Variants in SLAMF9 observed in about 807,000 individuals in gnomAD.
SLAMF9 encodes the protein CD2 family member 10.
In SLAMF9, 25 loss-of-function variants were observed where a neutral mutation model predicts 30.4. That is an observed-to-expected ratio of 0.82 (90% CI 0.60 to 1.15). The LOEUF (loss-of-function observed/expected upper bound fraction) is 1.15. SLAMF9 is among the 50% of genes most tolerant of loss of function. The probability of loss-of-function intolerance (pLI) is 0.00; values close to 1 mark genes in which losing one functional copy is unlikely to be tolerated. For missense variants in SLAMF9, 344 were observed against 346.1 expected (o/e 0.99, Z 0.05); for synonymous variants, 129 against 127.2 (o/e 1.01, Z -0.09).
chr1:159,958,045 C>T (rs1247121728), upstream of SLAMF9, among the ~76,000 whole-genome samples: 2 of 152,242 alleles, frequency 1.3e-5, no homozygotes, highest in Non-Finnish European at 2.9e-5. Context: ...CTGGCACCGA[C>T]TGCCCGTTAG....
the SLAMF9 span, chr1:159,972,995 A>G: frequency 2.9e-6 from 4 of 1,392,030 alleles, no homozygotes; most frequent in Admixed American, 8.3e-5. Context: ...TCGCTCATTT[A>G]CCCTGCACTC....
At chr1:159,978,967 G>T in the SLAMF9 span, 1 of 152,192 alleles carries the variant, frequency 6.6e-6, no homozygotes, top group African/African-American at 2.4e-5. Context: ...TGAAAATAAA[G>T]ATTGTTTTTG....
chr1:159,951,725 T>C lies in SLAMF9; in HGVS notation c.806A>G (p.Lys269Arg), dbSNP rs374407260. ...TTTCATTCTGTTTCTCATGAGTTTCTTCATCCTTGGCATTTTGTGTCTTTT... is the reference window on the plus strand; with the variant it reads ...TTTCATTCTGTTTCTCATGAGTTTCCTCATCCTTGGCATTTTGTGTCTTTT... Reference protein sequence around the residue: ...VQKRHKMPRMKKLMRNRMKLR... With the variant: ...VQKRHKMPRMRKLMRNRMKLR... Residue 269 changes from lysine (K) to arginine (R), a missense_variant, in exon 4 of 4, where the codon AAG becomes AGG. Transcript: ENST00000368093. The C allele has an allele frequency of 6.2e-6, 10 of 1,614,092 alleles. No individual in the cohort carries two copies. The African/African-American group carries it at 1.2e-4, about 19-fold the overall frequency.
At chr1:159,953,679 A>T (rs748286416) in intron 1 of SLAMF9, 26 bp from the exon 2 acceptor site, 15 of 1,567,448 alleles carry the variant, frequency 9.6e-6, no homozygotes, top group Admixed American at 1.7e-5. Context: ...AGAGAAGCAA[A>T]CAACCCAGCT....
the SLAMF9 span, among the ~76,000 whole-genome samples, chr1:159,967,836 TCTAA>T: frequency 6.6e-6 from 1 of 152,172 alleles, no homozygotes; most frequent in African/African-American, 2.4e-5. Context: ...TAAATTTACA[TCTAA>T]CTATTTTATT....
upstream of SLAMF9, among the ~76,000 whole-genome samples, chr1:159,957,613 A>G (rs1243450348): frequency 6.6e-6 from 1 of 151,892 alleles, no homozygotes; most frequent in Non-Finnish European, 1.5e-5. Context: ...ACAGAGCGAG[A>G]CTCCATCTAA....
Position 159,952,383 on chromosome 1 carries a change from T to C in SLAMF9, c.543A>G (p.Glu181=). The stretch of plus-strand genomic sequence containing the variant: ...TCCAGGATGTGCTGAGGACAGGGCC[T>C]TCATGGAATGTATAAGTGCTATCCC... ...SRGDSTYTFH[E]GPVLSTSWRP... The change falls in exon 3 of 4, where the codon GAA becomes GAG. Residue 181 remains glutamate (E), a synonymous_variant. Transcript: ENST00000368093. The C allele has an allele frequency of 2.5e-6, 4 of 1,614,054 alleles. No homozygotes were observed. Among genetic ancestry groups the C allele is most frequent in the Non-Finnish European group, 3.4e-6 (4 of 1,179,980 alleles).
At chr1:159,976,973 G>GAAA in the SLAMF9 span, 3 of 115,804 alleles carry the variant, frequency 2.6e-5, no homozygotes, top group African/African-American at 3.9e-5. Context: ...AAAGAAAGAA[G>GAAA]GAAAGAAGGA....
the SLAMF9 span, among the ~76,000 whole-genome samples, chr1:159,963,164 C>T: frequency 6.6e-6 from 1 of 152,130 alleles, no homozygotes; most frequent in Non-Finnish European, 1.5e-5. Flanking sequence ...TGGCAGAAAG[C>T]ATTCGGCATG....
the SLAMF9 span, chr1:159,973,431 C>T: frequency 2.0e-6 from 1 of 509,696 alleles, no homozygotes; most frequent in Non-Finnish European, 3.5e-6. Context: ...CTCTTGTCCT[C>T]ACCCACAAGC....
the SLAMF9 span, chr1:159,973,196 CTTTG>C: frequency 4.2e-6 from 6 of 1,434,676 alleles, no homozygotes; most frequent in Non-Finnish European, 9.8e-7. Context: ...GGGGGTGCAG[CTTTG>C]TTTGACATCT....
chr1:159,962,197 A>C, the SLAMF9 span, among the ~76,000 whole-genome samples: 1 of 151,766 alleles, frequency 6.6e-6, no homozygotes, highest in Non-Finnish European at 1.5e-5. Context: ...AGGGGAACAG[A>C]GGATGGGAGG....
chr1:159,953,725 G>T lies in SLAMF9; in HGVS notation c.47-72C>A, dbSNP rs116126552. On this transcript the variant is annotated intron_variant, in intron 1 of 3. Transcript: ENST00000368093. Reference sequence around the variant, plus strand: ...GGCTGCTGAACCTGGCAGTGGAGCTGCCAGAGTAGCGTAATCTCAGCTGGG... The same window carrying T: ...GGCTGCTGAACCTGGCAGTGGAGCTTCCAGAGTAGCGTAATCTCAGCTGGG... 1.9e-4 allele frequency: 265 copies of T among 1,374,928 alleles called. 2 individuals are homozygous for T. In the Middle Eastern group the frequency reaches 2.1e-3, roughly 11 times the overall value. 85.2% of individuals were successfully genotyped at this position (1,374,928 alleles called of 1,614,324 possible). A position where few individuals can be genotyped will look rare whatever the true frequency, so the allele number is the denominator to read the frequency against.
the SLAMF9 span, chr1:159,976,908 GA>G: frequency 8.7e-5 from 8 of 91,720 alleles, no homozygotes; most frequent in Non-Finnish European, 1.2e-4. Flanking sequence ...AAGAAGGAAA[GA>G]AAAAAAGAAA....
chr1:159,953,964 TC>T (rs1651864405), intron 1 of SLAMF9, 127 bp downstream of exon 1: 1 of 1,150,010 alleles, frequency 8.7e-7, no homozygotes, highest in Non-Finnish European at 1.3e-6. Flanking sequence ...CACACCCTAC[TC>T]CTTGTAACTC....
chr1:159,976,899 A>G, the SLAMF9 span: 1 of 140,590 alleles, frequency 7.1e-6, no homozygotes, highest in Admixed American at 7.8e-5. Context: ...AGAGAAAGAA[A>G]GAAGGAAAGA....
the SLAMF9 span, chr1:159,973,073 C>A: frequency 2.1e-5 from 31 of 1,478,452 alleles, no homozygotes; most frequent in Non-Finnish European, 2.6e-5. Flanking sequence ...ACCAGTAAAG[C>A]CCAGAGTCTC....
At chr1:159,983,894 T>G in the SLAMF9 span, 1 of 152,260 alleles carries the variant, frequency 6.6e-6, no homozygotes, top group South Asian at 2.1e-4. Flanking sequence ...AGCAGAGTCC[T>G]GCATGGCAGC....
the SLAMF9 span, among the ~76,000 whole-genome samples, chr1:159,959,603 G>A: frequency 2.6e-5 from 4 of 152,058 alleles, no homozygotes; most frequent in Non-Finnish European, 5.9e-5. Flanking sequence ...GGTGCCTGTC[G>A]CCTCTGACTC....
Sources: allele counts gnomAD v4.1 joint callset (sites outside exome capture counted in the v4.1 genomes callset), GRCh38; gene constraint gnomAD v4.1.1; transcripts MANE v1.5; gene names NCBI Gene and HGNC (gene_info 2026-07-23, HGNC 2026-07-21).